The following ABCC2 variants were observed in gnomAD, a reference collection of about 807,000 sequenced individuals.
ABCC2 encodes the protein ATP binding cassette subfamily C member 2, also known as ATP-binding cassette sub-family C member 2.
A neutral mutation model predicts 173.4 loss-of-function variants in ABCC2; 157 were observed. The ratio of observed to expected loss-of-function variants is 0.91; its 90% confidence interval spans 0.80 to 1.03. The LOEUF (loss-of-function observed/expected upper bound fraction) is 1.03. ABCC2 is among the 50% of genes least tolerant of loss of function. The pLI is 0.00. For missense variants in ABCC2, 1,822 were observed against 1,852.3 expected (o/e 0.98, Z 0.30); for synonymous variants, 657 against 693.5 (o/e 0.95, Z 0.83).
At chr10:99,800,328 G>A in intron 8 of ABCC2, 58 bp from the exon 9 acceptor site, 1 of 1,574,098 alleles carries the variant, frequency 6.4e-7, no homozygotes, top group East Asian at 2.2e-5. Context: ...CTGTGCATGA[G>A]GAGAGAGGCA....
chr10:99,815,212 C>T (rs2038387258), intron 16 of ABCC2, among the ~76,000 whole-genome samples: 1 of 152,082 alleles, frequency 6.6e-6, no homozygotes, highest in Admixed American at 6.6e-5. Context: ...TTTTCTGTTC[C>T]TGTGTTAGTT....
chr10:99,802,418 A>G (rs1342126511), intron 9 of ABCC2, among the ~76,000 whole-genome samples: 5 of 152,162 alleles, frequency 3.3e-5, no homozygotes, highest in Non-Finnish European at 7.4e-5. Flanking sequence ...GTCCCCAGAC[A>G]AGGGCTACTG....
At chr10:99,794,048 T>G in intron 5 of ABCC2, 49 bp downstream of exon 5, 1 of 1,505,408 alleles carries the variant, frequency 6.6e-7, no homozygotes, top group South Asian at 1.1e-5. Flanking sequence ...TTGGATGATA[T>G]CTTAATGAAT....
chr10:99,844,718 G>GCC (rs556376576), intron 28 of ABCC2, among the ~76,000 whole-genome samples: 7 of 152,160 alleles, frequency 4.6e-5, no homozygotes, highest in Non-Finnish European at 1.0e-4. Flanking sequence ...GCTGACCAGG[G>GCC]CCCCTTTCCT....
chr10:99,851,640 C>T lies in ABCC2; in HGVS notation c.*9C>T, dbSNP rs2133160111. The T allele has an allele frequency of 6.2e-7, 1 of 1,613,400 alleles. No individual in the cohort carries two copies. Among genetic ancestry groups the T allele is most frequent in the Non-Finnish European group, 8.5e-7 (1 of 1,179,504 alleles). On this transcript the variant is annotated 3_prime_UTR_variant, in exon 32 of 32. Coordinates refer to ENST00000647814, the MANE Select transcript of ABCC2 (RefSeq NM_000392.5). ...ACAGCACAAAATTCTAGCAGAAGGC[C>T]CCATGGGTTAGAAAAGGACTATAAG...
chr10:99,846,081 A>G (rs993722961), intron 29 of ABCC2, among the ~76,000 whole-genome samples: 1 of 152,244 alleles, frequency 6.6e-6, no homozygotes. Context: ...AGACTTTTGC[A>G]ATCAGCATTA....
rs3740066 is a variant in ABCC2, at chr10:99,844,450, C to T, written c.3972C>T (p.Ile1324=). The T allele has an allele frequency of 0.36, 577,792 of 1,613,504 alleles. 105,110 individuals are homozygous for T. The highest frequency in any genetic ancestry group is 0.37 in the Non-Finnish European group (441,164 of 1,179,858). The part of the protein sequence containing the change: ...DLVLRGITCD[I]GSMEKIGVVG... ...TCCTCAGAGGGATCACTTGTGACAT[C>T]GGTAGCATGGAGAAGGTAGGTGGAG... Residue 1324 remains isoleucine (I), a synonymous_variant, in exon 28 of 32, where the codon ATC becomes ATT. Coordinates refer to ENST00000647814, the MANE Select transcript of ABCC2 (RefSeq NM_000392.5).
At chr10:99,849,162 G>A (rs113513789) in intron 30 of ABCC2, among the ~76,000 whole-genome samples, 7,209 of 152,220 alleles carry the variant, frequency 0.047, 194 homozygotes, top group Middle Eastern at 0.17. Context: ...CCCGGGTGGC[G>A]GAGGTTGTGG....
intron 23 of ABCC2, 76 bp downstream of exon 23, chr10:99,832,207 C>A: frequency 6.4e-7 from 1 of 1,562,328 alleles, no homozygotes. Flanking sequence ...TTATTATGTC[C>A]CCCTAGACAA....
intron 19 of ABCC2, among the ~76,000 whole-genome samples, chr10:99,824,225 A>C (rs1024036551): frequency 6.6e-6 from 1 of 152,048 alleles, no homozygotes; most frequent in Non-Finnish European, 1.5e-5. Context: ...GCCGAATCCA[A>C]TTAATATCTC....
intron 25 of ABCC2, 26 bp downstream of exon 25, chr10:99,836,316 C>T: frequency 1.2e-6 from 2 of 1,612,134 alleles, no homozygotes; most frequent in Non-Finnish European, 1.7e-6. Flanking sequence ...GGTATTTACC[C>T]ATGTGTGTAC....
chr10:99,845,027 A>G (rs192726539), intron 28 of ABCC2, among the ~76,000 whole-genome samples: 1 of 151,180 alleles, frequency 6.6e-6, no homozygotes, highest in African/African-American at 2.4e-5. Context: ...CTTTATTTTT[A>G]TTTATTTATT....
At chr10:99,785,443 G>A (rs921703319) in intron 2 of ABCC2, among the ~76,000 whole-genome samples, 10 of 152,138 alleles carry the variant, frequency 6.6e-5, no homozygotes, top group African/African-American at 9.7e-5. Context: ...ACCCTCATTC[G>A]AGGTTGTAAA....
intron 11 of ABCC2, 30 bp downstream of exon 11, chr10:99,805,477 T>G (rs201655650): frequency 7.4e-5 from 119 of 1,607,768 alleles, no homozygotes; most frequent in Non-Finnish European, 9.9e-5. Context: ...TGGCTCTCTG[T>G]GGGTAAGGAC....
rs759821312 is a variant in ABCC2, at chr10:99,850,755, CA to C, written c.4468del (p.Thr1490ProfsTer15). 4.3e-6 allele frequency: 7 copies of C among 1,614,196 alleles called. No homozygotes were observed. In the East Asian group the frequency reaches 1.6e-4, roughly 36 times the overall value. On this transcript the variant is annotated frameshift_variant, in exon 31 of 32. Transcript: ENST00000647814. LOFTEE classifies it high-confidence loss of function. ...ACGAGTTCGCCCACTGCACAGTGATCACCATCGCCCACAGGCTGCACACCAT... is the reference window on the plus strand; with the variant it reads ...ACGAGTTCGCCCACTGCACAGTGATCCCATCGCCCACAGGCTGCACACCAT... The part of the protein sequence containing the change: ...QNEFAHCTVI[T>X]IAHRLHTIMD...
chr10:99,787,434 G>A (rs1338546583), intron 2 of ABCC2, among the ~76,000 whole-genome samples: 7 of 151,844 alleles, frequency 4.6e-5, no homozygotes, highest in Non-Finnish European at 8.8e-5. Flanking sequence ...GCTATACCAT[G>A]TATTGATATT....
At chr10:99,815,589 A>G (rs926851934) in intron 16 of ABCC2, among the ~76,000 whole-genome samples, 4 of 152,176 alleles carry the variant, frequency 2.6e-5, no homozygotes, top group African/African-American at 9.7e-5. Context: ...AGGGAAAATT[A>G]TAGTTATTTT....
chr10:99,784,967 G>T (rs1035510384), intron 2 of ABCC2, among the ~76,000 whole-genome samples, 186 bp downstream of exon 2: 6 of 152,126 alleles, frequency 3.9e-5, no homozygotes, highest in South Asian at 2.1e-4. Flanking sequence ...AAGTGGCTTT[G>T]ATTTTTGCAT....
At position 99,831,975 on chromosome 10, in the gene ABCC2, A is replaced by G; in HGVS notation, c.3104-2A>G. On this transcript the variant is annotated splice_acceptor_variant, in intron 22 of 31. Coordinates refer to ENST00000647814, the MANE Select transcript of ABCC2 (RefSeq NM_000392.5). LOFTEE classifies it high-confidence loss of function. Reference sequence around the variant, plus strand: ...TGCTGACAAAACTGCTTCCATCTCTAGGTATATTTGTGTTCATAGCACATT... The same window carrying G: ...TGCTGACAAAACTGCTTCCATCTCTGGGTATATTTGTGTTCATAGCACATT... 1 of 1,614,148 alleles carries G rather than the reference A, an allele frequency of 6.2e-7. No individual in the cohort carries two copies. Among genetic ancestry groups the G allele is most frequent in the South Asian group, 1.1e-5 (1 of 91,082 alleles).
Sources: gnomAD v4.1 joint callset for allele counts (sites outside exome capture counted in the v4.1 genomes callset) on GRCh38, gnomAD v4.1.1 for gene constraint, MANE v1.5 for transcripts, NCBI Gene and HGNC (gene_info 2026-07-23, HGNC 2026-07-21) for gene names.